Variants in ACACB observed in about 807,000 individuals in gnomAD.
ACACB encodes acetyl-CoA carboxylase beta, also known as acetyl-CoA carboxylase 2.
ACACB carries 209 observed loss-of-function variants against 278.8 expected under a neutral mutation model. The observed-to-expected ratio is 0.75, with a 90% CI of 0.67 to 0.84. ACACB has a LOEUF of 0.84. ACACB is among the 40% of genes least tolerant of loss of function. The pLI, the probability that ACACB is intolerant of heterozygous loss-of-function variation, is 0.00. For missense variants in ACACB, 2,850 were observed against 3,269.0 expected (o/e 0.87, Z 3.13); for synonymous variants, 1,174 against 1,285.6 (o/e 0.91, Z 1.86).
chr12:109,138,538 C>A (rs2043024258), intron 1 of ACACB, among the ~76,000 whole-genome samples: 3 of 150,470 alleles, frequency 2.0e-5, no homozygotes, highest in South Asian at 4.2e-4. Flanking sequence ...AATTCCCTTT[C>A]ATTTATAAAG....
At chr12:109,118,956 C>T (rs978591412) in intron 1 of ACACB, among the ~76,000 whole-genome samples, 1 of 152,144 alleles carries the variant, frequency 6.6e-6, no homozygotes, top group Non-Finnish European at 1.5e-5. Context: ...TTCATTTATT[C>T]CAGGAATCCA....
Position 109,209,329 on chromosome 12 carries a change from G to A in ACACB, c.3225G>A (p.Val1075=). 6.2e-7 allele frequency: 1 copy of A among 1,611,546 alleles called. No individual in the cohort carries two copies. Among genetic ancestry groups the A allele is most frequent in the Non-Finnish European group, 8.5e-7 (1 of 1,179,468 alleles). ...MAQYASNITS[V]LCQFPSQQIA... ...AGTATGCCAGCAACATCACCTCGGT[G>A]CTGTGCCAGTTCCCCAGCCAGCAGG... Residue 1075 remains valine (V), a synonymous_variant, in exon 21 of 53, where the codon GTG becomes GTA. Transcript: ENST00000338432.
intron 19 of ACACB, among the ~76,000 whole-genome samples, chr12:109,202,919 A>G (rs1011409985): frequency 6.6e-6 from 1 of 152,208 alleles, no homozygotes; most frequent in African/African-American, 2.4e-5. Context: ...CTTGAGCAGT[A>G]TTAAATCCAT....
chr12:109,112,998 A>G (rs2042339054), upstream of ACACB: 1 of 151,990 alleles, frequency 6.6e-6, no homozygotes, highest in Non-Finnish European at 1.5e-5. Context: ...AAACTTTATT[A>G]TTTATGGACA....
In ACACB at chr12:109,253,084, G is replaced by T. The variant is rs1593710978; in HGVS notation, c.5971G>T (p.Val1991Phe). The T allele has an allele frequency of 1.9e-6, 3 of 1,613,518 alleles. No individual in the cohort carries two copies. The highest frequency in any genetic ancestry group is 2.5e-6 in the Non-Finnish European group (3 of 1,179,714). Residue 1991 changes from valine (V) to phenylalanine (F), a missense_variant, in exon 43 of 53, where the codon GTC becomes TTC. Transcript: ENST00000338432. The part of the protein sequence containing the change: ...GGVQIMHYNG[V>F]SHITVPDDFE... ...CGTTCAGATCATGCATTACAATGGT[G>T]TCTCCCACATCACCGTGCCAGATGA...
intron 13 of ACACB, among the ~76,000 whole-genome samples, chr12:109,190,448 G>A (rs547721559): frequency 1.3e-5 from 2 of 152,292 alleles, no homozygotes; most frequent in Non-Finnish European, 2.9e-5. Flanking sequence ...TTGGGGAGAG[G>A]CAGCCATGGG....
chr12:109,168,173 T>A, intron 4 of ACACB, 139 bp downstream of exon 4: 1 of 966,266 alleles, frequency 1.0e-6, no homozygotes, highest in Non-Finnish European at 1.5e-6. Context: ...TTGTCCTTCC[T>A]TCTTTATTTA....
intron 39 of ACACB, among the ~76,000 whole-genome samples, 180 bp downstream of exon 39, chr12:109,246,628 G>A (rs576473149): frequency 1.3e-5 from 2 of 152,260 alleles, no homozygotes; most frequent in Admixed American, 1.3e-4. Flanking sequence ...ACTGTGGCGG[G>A]GGGGATGGTG....
chr12:109,222,997 C>T, intron 26 of ACACB, 85 bp downstream of exon 26: 1 of 1,053,982 alleles, frequency 9.5e-7, no homozygotes, highest in Non-Finnish European at 1.4e-6. Flanking sequence ...CTCCTCCTGC[C>T]CTCCAGGTGC....
chr12:109,114,096 C>T (rs2042358588), upstream of ACACB, among the ~76,000 whole-genome samples: 1 of 152,180 alleles, frequency 6.6e-6, no homozygotes, highest in Non-Finnish European at 1.5e-5. Flanking sequence ...CCTCCTGCCT[C>T]AGCCTCCTGA....
chr12:109,140,534 G>A (rs1328564238), intron 2 of ACACB, among the ~76,000 whole-genome samples: 2 of 152,168 alleles, frequency 1.3e-5, no homozygotes, highest in South Asian at 2.1e-4. Context: ...GCGTGTGCCT[G>A]TAATCCCAGC....
chr12:109,191,364 C>G (rs942560085), intron 13 of ACACB: 10 of 372,094 alleles, frequency 2.7e-5, no homozygotes, highest in African/African-American at 4.2e-5. Context: ...CAGGCGTCCT[C>G]CACCATGCTG....
chr12:109,146,462 G>A (rs567392910), intron 2 of ACACB, among the ~76,000 whole-genome samples: 1 of 152,354 alleles, frequency 6.6e-6, no homozygotes, highest in South Asian at 2.1e-4. Flanking sequence ...TCAAGGGGCT[G>A]TCTCCTTCCT....
At chr12:109,242,236 C>CA in intron 36 of ACACB, 1 of 554,878 alleles carries the variant, frequency 1.8e-6, no homozygotes, top group Non-Finnish European at 3.2e-6. Context: ...CTGCATTCCA[C>CA]AGCCCCTGTT....
intron 49 of ACACB, 154 bp from the exon 50 acceptor site, chr12:109,264,078 G>C: frequency 1.1e-6 from 1 of 899,202 alleles, no homozygotes; most frequent in Non-Finnish European, 1.7e-6. Flanking sequence ...TGTAGCAGCA[G>C]GGGTAATATC....
intron 18 of ACACB, among the ~76,000 whole-genome samples, chr12:109,200,401 G>T (rs932897972): frequency 3.3e-5 from 5 of 152,068 alleles, no homozygotes; most frequent in African/African-American, 9.7e-5. Flanking sequence ...GCTCAAGCTG[G>T]TCAAATACCT....
At chr12:109,243,351 C>G (rs1163425499) in intron 37 of ACACB, among the ~76,000 whole-genome samples, 1 of 152,144 alleles carries the variant, frequency 6.6e-6, no homozygotes, top group Non-Finnish European at 1.5e-5. Context: ...GTAATCCCAG[C>G]ACTTTGGGAG....
chr12:109,148,409 G>T (rs1593404455), intron 2 of ACACB, among the ~76,000 whole-genome samples: 1 of 152,124 alleles, frequency 6.6e-6, no homozygotes, highest in East Asian at 1.9e-4. Context: ...GACTTAGTAT[G>T]ACCCTGTGGG....
chr12:109,168,460 A>AG (rs2136168431), intron 4 of ACACB, among the ~76,000 whole-genome samples: 1 of 152,286 alleles, frequency 6.6e-6, no homozygotes, highest in South Asian at 2.1e-4. Flanking sequence ...TACTCCCCAC[A>AG]GCAGCCAAAG....
Sources: allele counts gnomAD v4.1 joint callset (sites outside exome capture counted in the v4.1 genomes callset), GRCh38; gene constraint gnomAD v4.1.1; transcripts MANE v1.5; gene names NCBI Gene and HGNC (gene_info 2026-07-23, HGNC 2026-07-21).